Variants in SBK1 observed in about 807,000 individuals in gnomAD.
SBK1 encodes SH3 domain binding kinase 1.
A neutral mutation model predicts 24.4 loss-of-function variants in SBK1; 11 were observed. The observed-to-expected ratio is 0.45, with a 90% CI of 0.28 to 0.75. SBK1 has a LOEUF of 0.75. SBK1 is among the 30% of genes least tolerant of loss of function. The pLI is 0.12. For synonymous variants in SBK1, 308 were observed against 284.4 expected (o/e 1.08, Z -0.83); for missense variants, 467 against 620.5 (o/e 0.75, Z 2.63).
At chr16:28,307,600 C>T (rs139817303) in intron 1 of SBK1, among the ~76,000 whole-genome samples, 5 of 151,844 alleles carry the variant, frequency 3.3e-5, no homozygotes, top group Middle Eastern at 3.4e-3. Flanking sequence ...ATTAGCCGGG[C>T]GTGGTGGCTC....
upstream of SBK1, chr16:28,291,903 A>C (rs2044600824): frequency 6.6e-6 from 1 of 152,212 alleles, no homozygotes; most frequent in African/African-American, 2.4e-5. Context: ...ACCCAGGCCC[A>C]AGTTTATGAC....
At chr16:28,287,601 C>G (rs1294129720), upstream of SBK1, among the ~76,000 whole-genome samples, 1 of 152,188 alleles carries the variant, frequency 6.6e-6, no homozygotes, top group Non-Finnish European at 1.5e-5. Flanking sequence ...GCGTCAGGGA[C>G]AAAGGACTGC....
In SBK1 at chr16:28,307,196, G is replaced by T. The variant is rs1198554142; in HGVS notation, c.-7-10189G>T. Reference sequence around the variant, plus strand: ...GTGATGATAAATAGCCGACACTCAGGGAACCCCTGTCATGTACCAAGCGCC... The same window carrying T: ...GTGATGATAAATAGCCGACACTCAGTGAACCCCTGTCATGTACCAAGCGCC... On this transcript the variant is annotated intron_variant, in intron 1 of 3. Transcript: ENST00000341901. 4.6e-5 allele frequency among the ~76,000 whole-genome samples: 7 copies of T among 152,140 alleles called. No homozygotes were observed. The South Asian group carries it at 1.5e-3, about 32-fold the overall frequency.
At chr16:28,264,782 C>T (rs1487843410) in intron 1 of SBK1, among the ~76,000 whole-genome samples, 3 of 151,884 alleles carry the variant, frequency 2.0e-5, no homozygotes, top group Non-Finnish European at 4.4e-5. Flanking sequence ...GGAAGAGGCT[C>T]CAGGACAGGG....
chr16:28,280,141 A>ATGTGTGTGTGTG (rs1407793111), intron 1 of SBK1, among the ~76,000 whole-genome samples: 1 of 58,238 alleles, frequency 1.7e-5, no homozygotes, highest in African/African-American at 4.6e-5. Flanking sequence ...ATATATATAT[A>ATGTGTGTGTGTG]TATATATATG....
chr16:28,297,336 AAAAG>A (rs2044647975), intron 1 of SBK1, among the ~76,000 whole-genome samples: 1 of 152,210 alleles, frequency 6.6e-6, no homozygotes, highest in Admixed American at 6.5e-5. Context: ...GTCTCAAAAA[AAAAG>A]AAACAAAAGT....
In SBK1 at chr16:28,319,443, G is replaced by A. The variant is rs2044821907; in HGVS notation, c.429+246G>A. ...ATGAGTGCCTAAAAGGAGACAGTGA[G>A]AATGATGGGATGAAGTCACTGGGCC... is the stretch of plus-strand genomic sequence containing the variant. On this transcript the variant is annotated intron_variant, in intron 3 of 3. Transcript: ENST00000341901. The surrounding 1 kb of genome is among the most constrained non-coding windows in gnomAD (Gnocchi z 4.0). Among the ~76,000 whole-genome samples the A allele has an allele frequency of 6.6e-6, 1 of 152,134 alleles. No individual in the cohort carries two copies. The highest frequency in any genetic ancestry group is 2.1e-4 in the South Asian group (1 of 4,828).
At position 28,321,947 on chromosome 16, in the gene SBK1, C is replaced by T. The variant is rs2044852539; in HGVS notation, c.*1026C>T. 6.6e-6 allele frequency: 1 copy of T among 152,302 alleles called. No individual in the cohort carries two copies. Among genetic ancestry groups the T allele is most frequent in the Non-Finnish European group, 1.5e-5 (1 of 68,098 alleles). 9.4% of individuals were successfully genotyped at this position (152,302 alleles called of 1,614,324 possible). ...CCAGCAGGTGGCGAGCTGGTTCGTG[C>T]TGGAAATTTCTCCTGGGTTTCTTGG... On this transcript the variant is annotated 3_prime_UTR_variant, in exon 4 of 4. Coordinates refer to ENST00000341901, the MANE Select transcript of SBK1 (RefSeq NM_001024401.3).
At chr16:28,288,430 C>G (rs1482541455), upstream of SBK1, among the ~76,000 whole-genome samples, 1 of 152,212 alleles carries the variant, frequency 6.6e-6, no homozygotes. Flanking sequence ...ACCATGGATC[C>G]TGTGAGCCTC....
upstream of SBK1, chr16:28,290,928 T>C (rs568625774): frequency 4.6e-5 from 7 of 152,318 alleles, no homozygotes; most frequent in East Asian, 1.4e-3. Context: ...AGTTGGAAGA[T>C]TTCTGGATGT....
At position 28,280,171 on chromosome 16, in the gene SBK1, G is replaced by GTGTGTGTGTGTA. The variant is rs1247488558; in HGVS notation, c.257+20670_257+20671insGTGTGTGTGTAT. Among the ~76,000 whole-genome samples, 38 of 109,572 alleles carry GTGTGTGTGTGTA rather than the reference G, an allele frequency of 3.5e-4. No homozygotes were observed. In the East Asian group the frequency reaches 4.4e-3, roughly 13 times the overall value. The allele number at this position is 109,572 out of a possible 152,430, so 71.9% of individuals were successfully genotyped here. A position where few individuals can be genotyped will look rare whatever the true frequency, so the allele number is the denominator to read the frequency against. ...TATATGTGTGTGTGTGTGTGTGTGTGTATGTATATATACATATATATGTAC... is the reference window on the plus strand; with the variant it reads ...TATATGTGTGTGTGTGTGTGTGTGTGTGTGTGTGTGTATATGTATATATACATATATATGTAC... On this transcript the variant is annotated intron_variant, in intron 1 of 3. Coordinates refer to the SBK1 transcript ENST00000671413.
At chr16:28,294,553 C>T (rs1248032489) in intron 1 of SBK1, among the ~76,000 whole-genome samples, 1 of 152,226 alleles carries the variant, frequency 6.6e-6, no homozygotes, top group Non-Finnish European at 1.5e-5. Context: ...TTCTTGATGT[C>T]TCCTGATCAT....
In SBK1 at chr16:28,279,558, G is replaced by A. The variant is rs572171608; in HGVS notation, c.257+20056G>A. ...GTCCCGCATTCTGTCACGGGCACAG[G>A]TTCAACTACTTTCACCTCGAAAACT... is the stretch of plus-strand genomic sequence containing the variant. On this transcript the variant is annotated intron_variant, in intron 1 of 3. Coordinates refer to the SBK1 transcript ENST00000671413. Among the ~76,000 whole-genome samples, 42 of 152,278 alleles carry A rather than the reference G, an allele frequency of 2.8e-4. 1 individual carries two copies. In the East Asian group the frequency reaches 8.1e-3, roughly 29 times the overall value.
Position 28,319,916 on chromosome 16 carries a change from G to T in SBK1, c.430-160G>T, listed in dbSNP as rs1469432621. On this transcript the variant is annotated intron_variant, in intron 3 of 3. Coordinates refer to ENST00000341901, the MANE Select transcript of SBK1 (RefSeq NM_001024401.3). This position sits in a 1 kb window ranked among gnomAD's most constrained non-coding sequence, Gnocchi z 4.0. ...ATTGGATGAGACAGCGGGGGAAAGG[G>T]CGCTCAGCAGCATCCGGGCCGCGTC... is the stretch of plus-strand genomic sequence containing the variant. Among the ~76,000 whole-genome samples, 1 of 152,132 alleles carries T rather than the reference G, an allele frequency of 6.6e-6. No homozygotes were observed. The highest frequency in any genetic ancestry group is 1.5e-5 in the Non-Finnish European group (1 of 68,014).
intron 1 of SBK1, among the ~76,000 whole-genome samples, chr16:28,275,067 T>C (rs2044487954): frequency 6.6e-6 from 1 of 152,238 alleles, no homozygotes; most frequent in African/African-American, 2.4e-5. Context: ...TGGCTCACGC[T>C]GTAACCCCAG....
At chr16:28,294,061 C>A (rs911505662) in intron 1 of SBK1, among the ~76,000 whole-genome samples, 4 of 152,108 alleles carry the variant, frequency 2.6e-5, no homozygotes, top group Non-Finnish European at 5.9e-5. Flanking sequence ...CCCCTCCTAA[C>A]CTGGAGAACA....
Position 28,318,980 on chromosome 16 carries a change from T to C in SBK1, c.227-15T>C. 6.2e-7 allele frequency: 1 copy of C among 1,609,812 alleles called. No individual in the cohort carries two copies. Among genetic ancestry groups the C allele is most frequent in the Non-Finnish European group, 8.5e-7 (1 of 1,176,084 alleles). On this transcript the variant is annotated splice_polypyrimidine_tract_variant and intron_variant, in intron 2 of 3. Transcript: ENST00000341901. The stretch of plus-strand genomic sequence containing the variant: ...GGAGAGGGGGCTTCAACCCTGTTGC[T>C]GTTGCTCCCATCAGGCACAAAAATG...
intron 1 of SBK1, among the ~76,000 whole-genome samples, chr16:28,295,008 G>A (rs2044628746): frequency 6.6e-6 from 1 of 152,216 alleles, no homozygotes; most frequent in Non-Finnish European, 1.5e-5. Flanking sequence ...AATTGGGCAG[G>A]ACAAGCATCC....
chr16:28,315,022 G>A (rs2044783656), intron 1 of SBK1, among the ~76,000 whole-genome samples: 1 of 152,148 alleles, frequency 6.6e-6, no homozygotes, highest in Non-Finnish European at 1.5e-5. Flanking sequence ...AGGGAGGGTA[G>A]AGGGAGGCTG....
Sources: allele counts gnomAD v4.1 joint callset (sites outside exome capture counted in the v4.1 genomes callset), GRCh38; gene constraint gnomAD v4.1.1; non-coding constraint Gnocchi (gnomAD v3.1); transcripts MANE v1.5; gene names NCBI Gene and HGNC (gene_info 2026-07-23, HGNC 2026-07-21).